The following RAB3C variants were observed in gnomAD, a reference collection of about 807,000 sequenced individuals.
RAB3C encodes ras-related protein Rab-3C.
In RAB3C, 17 loss-of-function variants were observed where a neutral mutation model predicts 26.4. The ratio of observed to expected loss-of-function variants is 0.64; its 90% CI spans 0.44 to 0.97. The LOEUF (loss-of-function observed/expected upper bound fraction) is 0.97, where lower values mean the gene tolerates loss of function less well. Ranked by LOEUF, RAB3C falls within the 50% of genes least tolerant of loss-of-function variation. RAB3C has a pLI of 0.00. For missense variants in RAB3C, 242 were observed against 281.9 expected, an observed-to-expected ratio of 0.86 and a Z score of 1.01; for synonymous variants, 91 against 95.9, an observed-to-expected ratio of 0.95 and a Z score of 0.30.
intron 2 of RAB3C, among the ~76,000 whole-genome samples, chr5:58,637,956 C>T (rs751801994): frequency 9.2e-5 from 14 of 152,024 alleles, no homozygotes; most frequent in Non-Finnish European, 1.0e-4. Context: ...TAAGTAGCAA[C>T]ACAGGAGTAA....
chr5:58,634,352 G>A (rs1747245660), intron 2 of RAB3C, among the ~76,000 whole-genome samples: 1 of 152,090 alleles, frequency 6.6e-6, no homozygotes, highest in Non-Finnish European at 1.5e-5. Flanking sequence ...TAGCATTCTG[G>A]TTAGGAGCAC....
chr5:58,656,999 C>A (rs1194682645), intron 2 of RAB3C, among the ~76,000 whole-genome samples: 7 of 144,420 alleles, frequency 4.8e-5, no homozygotes, highest in African/African-American at 1.8e-4. Flanking sequence ...GCCCATCAAG[C>A]AACTAGTGGA....
chr5:58,614,890 AT>A (rs1343131673), intron 1 of RAB3C, among the ~76,000 whole-genome samples: 1 of 152,136 alleles, frequency 6.6e-6, no homozygotes, highest in Non-Finnish European at 1.5e-5. Context: ...CATTTCCTAA[AT>A]AATACAGAAT....
chr5:58,673,285 A>ACT, intron 2 of RAB3C, among the ~76,000 whole-genome samples: 1 of 152,158 alleles, frequency 6.6e-6, no homozygotes, highest in Admixed American at 6.5e-5. Flanking sequence ...CAGATATTAC[A>ACT]GTAATTTCAC....
chr5:58,757,776 A>T (rs916737380), intron 3 of RAB3C, among the ~76,000 whole-genome samples: 1 of 152,208 alleles, frequency 6.6e-6, no homozygotes, highest in Non-Finnish European at 1.5e-5. Context: ...CTCTAGATTT[A>T]GCATCCATTG....
At chr5:58,735,738 C>A (rs534185980) in intron 3 of RAB3C, among the ~76,000 whole-genome samples, 1 of 152,284 alleles carries the variant, frequency 6.6e-6, no homozygotes, top group African/African-American at 2.4e-5. Flanking sequence ...GACTTGCCCC[C>A]TTGGGAAGCC....
intron 3 of RAB3C, among the ~76,000 whole-genome samples, chr5:58,791,062 G>T (rs927290933): frequency 2.4e-5 from 2 of 83,476 alleles, no homozygotes; most frequent in African/African-American, 3.8e-5. Context: ...TATAATTTTT[G>T]ACATTAAAAA....
intron 3 of RAB3C, among the ~76,000 whole-genome samples, chr5:58,731,207 T>C (rs1741012923): frequency 6.6e-6 from 1 of 152,100 alleles, no homozygotes; most frequent in Non-Finnish European, 1.5e-5. Flanking sequence ...TTTGAGGAAA[T>C]GGAAGCTATC....
chr5:58,755,753 G>A (rs1381751479), intron 3 of RAB3C, among the ~76,000 whole-genome samples: 6 of 152,184 alleles, frequency 3.9e-5, no homozygotes, highest in South Asian at 2.1e-4. Flanking sequence ...CAAAGAACTG[G>A]TAAGTGTGGG....
At chr5:58,697,992 A>C (rs1561293100) in intron 2 of RAB3C, among the ~76,000 whole-genome samples, 2 of 152,132 alleles carry the variant, frequency 1.3e-5, no homozygotes, top group African/African-American at 4.8e-5. Context: ...TTGTCCGTTA[A>C]TTGATGCAGT....
At chr5:58,584,204 C>A (rs2111643805) in intron 1 of RAB3C, among the ~76,000 whole-genome samples, 1 of 152,300 alleles carries the variant, frequency 6.6e-6, no homozygotes, top group South Asian at 2.1e-4. Flanking sequence ...GACATTAATT[C>A]GGACTTCAGC....
At chr5:58,818,169 G>A (rs1484534646) in intron 3 of RAB3C, among the ~76,000 whole-genome samples, 1 of 152,154 alleles carries the variant, frequency 6.6e-6, no homozygotes, top group African/African-American at 2.4e-5. Flanking sequence ...GCAAAAGTCT[G>A]TCATTCTCCA....
Position 58,858,636 on chromosome 5 carries a change from G to C in RAB3C, c.*7285G>C, listed in dbSNP as rs1744316532. 6.6e-6 allele frequency: 1 copy of C among 152,134 alleles called. No individual in the cohort carries two copies. Among genetic ancestry groups the C allele is most frequent in the South Asian group, 2.1e-4 (1 of 4,824 alleles). 9.4% of individuals were successfully genotyped at this position (152,134 alleles called of 1,614,324 possible). ...ATTAGGTAGTGAGGAGATTGTGCCA[G>C]GAAAATAAGTGGGAAAGGCCACAGT... On this transcript the variant is annotated 3_prime_UTR_variant, in exon 5 of 5. Coordinates refer to ENST00000282878, the MANE Select transcript of RAB3C (RefSeq NM_138453.4).
At chr5:58,722,169 G>T (rs751751779) in intron 2 of RAB3C, among the ~76,000 whole-genome samples, 43 of 151,794 alleles carry the variant, frequency 2.8e-4, no homozygotes, top group Admixed American at 3.9e-4. Flanking sequence ...ATGAAAATGG[G>T]ACACCATCAC....
At chr5:58,668,648 A>G (rs904948046) in intron 2 of RAB3C, among the ~76,000 whole-genome samples, 3 of 152,180 alleles carry the variant, frequency 2.0e-5, no homozygotes, top group Non-Finnish European at 4.4e-5. Flanking sequence ...ACCTCATAGT[A>G]TCTAGTTTAA....
intron 3 of RAB3C, among the ~76,000 whole-genome samples, chr5:58,774,143 T>C (rs1742079404): frequency 6.6e-6 from 1 of 152,128 alleles, no homozygotes; most frequent in Non-Finnish European, 1.5e-5. Flanking sequence ...TGAGACATAG[T>C]ATGTTGAAAT....
At chr5:58,652,764 C>T (rs1747686059) in intron 2 of RAB3C, among the ~76,000 whole-genome samples, 7 of 150,750 alleles carry the variant, frequency 4.6e-5, no homozygotes. Flanking sequence ...TAATTCTGTG[C>T]CAGTACCTTG....
chr5:58,803,283 A>T (rs1185704768), intron 3 of RAB3C, among the ~76,000 whole-genome samples: 1 of 152,170 alleles, frequency 6.6e-6, no homozygotes, highest in Non-Finnish European at 1.5e-5. Context: ...AAAAGCTGTT[A>T]ATGAAGTGAG....
chr5:58,802,314 G>A (rs1742826971), intron 3 of RAB3C, among the ~76,000 whole-genome samples: 1 of 152,242 alleles, frequency 6.6e-6, no homozygotes, highest in South Asian at 2.1e-4. Context: ...ATTAATTCCA[G>A]GTTCAAAGGA....
Sources: allele counts gnomAD v4.1 joint callset (sites outside exome capture counted in the v4.1 genomes callset), GRCh38; gene constraint gnomAD v4.1.1; transcripts MANE v1.5; gene names NCBI Gene and HGNC (gene_info 2026-07-23, HGNC 2026-07-21).